The following LPP variants were observed in gnomAD, a reference collection of about 807,000 sequenced individuals.
LPP encodes lipoma-preferred partner.
Under a neutral mutation model 60.4 loss-of-function variants are expected in LPP, and 38 were observed. The observed-to-expected ratio is 0.63, with a 90% CI of 0.49 to 0.83. The LOEUF (loss-of-function observed/expected upper bound fraction) is 0.83, where lower values mean the gene tolerates loss of function less well. LPP is among the 40% of genes least tolerant of loss of function. LPP has a pLI of 0.00. For synonymous variants in LPP, 328 were observed against 290.8 expected (o/e 1.13, Z -1.30); for missense variants, 902 against 783.6 (o/e 1.15, Z -1.80).
chr3:188,259,086 G>T (rs567345780), intron 2 of LPP, among the ~76,000 whole-genome samples: 1 of 152,226 alleles, frequency 6.6e-6, no homozygotes, highest in South Asian at 2.1e-4. Context: ...TAGTTATGGG[G>T]TATTCACAAT....
intron 2 of LPP, among the ~76,000 whole-genome samples, chr3:188,335,478 C>T (rs1458924978): frequency 6.6e-6 from 1 of 152,056 alleles, no homozygotes; most frequent in Non-Finnish European, 1.5e-5. Flanking sequence ...CATCAGAGAT[C>T]CTGGCCTATA....
At chr3:188,275,688 T>C (rs1337539666) in intron 2 of LPP, among the ~76,000 whole-genome samples, 3 of 151,622 alleles carry the variant, frequency 2.0e-5, no homozygotes, top group African/African-American at 7.3e-5. Context: ...CAGGAACTTT[T>C]TTTTTCTTTG....
chr3:188,823,086 T>C (rs1460397768), intron 9 of LPP, among the ~76,000 whole-genome samples: 2 of 152,172 alleles, frequency 1.3e-5, no homozygotes, highest in African/African-American at 4.8e-5. Context: ...CCAGCCAATC[T>C]GTGAGCCAGA....
chr3:188,810,597 T>A (rs1750633757), intron 9 of LPP, among the ~76,000 whole-genome samples: 1 of 152,192 alleles, frequency 6.6e-6, no homozygotes, highest in Admixed American at 6.5e-5. Flanking sequence ...AATTATACTT[T>A]ATCATAAGTA....
At chr3:188,796,549 C>T (rs1745405262) in intron 9 of LPP, among the ~76,000 whole-genome samples, 1 of 152,110 alleles carries the variant, frequency 6.6e-6, no homozygotes, top group South Asian at 2.1e-4. Context: ...TGGTTGCTAG[C>T]CACACACCAT....
At chr3:188,227,705 C>T (rs1189459967) in intron 2 of LPP, among the ~76,000 whole-genome samples, 1 of 152,104 alleles carries the variant, frequency 6.6e-6, no homozygotes, top group Non-Finnish European at 1.5e-5. Context: ...TGGGCTTCAT[C>T]CTTGGAATGT....
At chr3:188,280,255 C>T (rs1186171374) in intron 2 of LPP, among the ~76,000 whole-genome samples, 1 of 152,184 alleles carries the variant, frequency 6.6e-6, no homozygotes, top group African/African-American at 2.4e-5. Flanking sequence ...GAAAGCGGAG[C>T]TGCATGGCTG....
At chr3:188,639,332 G>T (rs1302591534) in intron 7 of LPP, among the ~76,000 whole-genome samples, 10 of 149,442 alleles carry the variant, frequency 6.7e-5, no homozygotes, top group African/African-American at 2.4e-4. Context: ...GCTGAAACTG[G>T]ATCCCTTCCT....
chr3:188,381,185 G>T (rs977755956), intron 3 of LPP, among the ~76,000 whole-genome samples: 3 of 112,624 alleles, frequency 2.7e-5, no homozygotes, highest in Non-Finnish European at 6.0e-5. Flanking sequence ...CGTGTGACAC[G>T]AATGCAAACA....
At chr3:188,414,254 G>A (rs1201933132) in intron 4 of LPP, among the ~76,000 whole-genome samples, 1 of 151,982 alleles carries the variant, frequency 6.6e-6, no homozygotes, top group Admixed American at 6.6e-5. Context: ...TATAGGTTAA[G>A]TAACTCTAAT....
intron 9 of LPP, among the ~76,000 whole-genome samples, chr3:188,783,351 A>G (rs1577520097): frequency 6.6e-6 from 1 of 152,252 alleles, no homozygotes; most frequent in African/African-American, 2.4e-5. Context: ...TGGTACATAT[A>G]CCCCACAGAA....
At chr3:188,762,422 GT>G (rs1214091344) in intron 9 of LPP, among the ~76,000 whole-genome samples, 1 of 152,202 alleles carries the variant, frequency 6.6e-6, no homozygotes, top group Non-Finnish European at 1.5e-5. Flanking sequence ...ATTTCTGAAT[GT>G]GGGAACCTTA....
In LPP at chr3:188,874,829, A is replaced by G. The variant is rs1398394093; in HGVS notation, c.*350A>G. The G allele has an allele frequency of 4.1e-6, 1 of 246,842 alleles. No homozygotes were observed. Among genetic ancestry groups the G allele is most frequent in the African/African-American group, 2.2e-5 (1 of 45,986 alleles). 15.3% of individuals were successfully genotyped at this position (246,842 alleles called of 1,614,324 possible). On this transcript the variant is annotated 3_prime_UTR_variant, in exon 12 of 12. Coordinates refer to ENST00000617246, the MANE Select transcript of LPP (RefSeq NM_001375462.1). ...TTTTCTTAGTGTGGTATTTGCTGTC[A>G]CATAGTTTTTCCTGGGTGAGTCTGC...
intron 9 of LPP, among the ~76,000 whole-genome samples, chr3:188,822,755 A>G (rs1281468978): frequency 6.6e-6 from 1 of 152,188 alleles, no homozygotes; most frequent in Non-Finnish European, 1.5e-5. Context: ...GAATGGAAGA[A>G]GCAGGCACAA....
chr3:188,291,642 T>C (rs1297347173), intron 2 of LPP, among the ~76,000 whole-genome samples: 2 of 82,050 alleles, frequency 2.4e-5, no homozygotes, highest in Non-Finnish European at 5.4e-5. Context: ...CGAGACTCTG[T>C]CTCAAAAAAA....
At chr3:188,247,274 A>C (rs894663893) in intron 2 of LPP, 9 of 578,848 alleles carry the variant, frequency 1.6e-5, no homozygotes, top group South Asian at 1.5e-4. Flanking sequence ...AAAAAAAAAA[A>C]CGCTGAGGCT....
intron 1 of LPP, among the ~76,000 whole-genome samples, chr3:188,193,085 T>TA (rs1359695066): frequency 5.9e-5 from 9 of 152,186 alleles, no homozygotes; most frequent in African/African-American, 2.2e-4. Flanking sequence ...AGGGCTTTCT[T>TA]AGAGTAAATC....
At chr3:188,249,903 T>A (rs56408261) in intron 2 of LPP, among the ~76,000 whole-genome samples, 3,621 of 81,886 alleles carry the variant, frequency 0.044, 66 homozygotes, top group African/African-American at 0.058. Flanking sequence ...ATATATATAT[T>A]TTTTTTTTTT....
intron 7 of LPP, among the ~76,000 whole-genome samples, chr3:188,622,501 G>GA (rs768435845): frequency 1.3e-5 from 2 of 152,062 alleles, no homozygotes; most frequent in East Asian, 1.9e-4. Context: ...AATTTCTAGG[G>GA]AAAAAAATGT....
Sources: allele counts gnomAD v4.1 joint callset (sites outside exome capture counted in the v4.1 genomes callset), GRCh38; gene constraint gnomAD v4.1.1; transcripts MANE v1.5; gene names NCBI Gene and HGNC (gene_info 2026-07-23, HGNC 2026-07-21).